CRYBA1: variants seen among roughly 807,000 people sequenced by gnomAD.
CRYBA1 encodes the protein beta-crystallin A3.
In CRYBA1, 25 loss-of-function variants were observed where a neutral mutation model predicts 36.2. The observed-to-expected ratio is 0.69, with a 90% CI of 0.50 to 0.97. CRYBA1 has a LOEUF of 0.97. CRYBA1 is among the 50% of genes least tolerant of loss of function. CRYBA1 has a pLI of 0.00. For missense variants in CRYBA1, 224 were observed against 276.3 expected (o/e 0.81, Z 1.34); for synonymous variants, 111 against 90.0 (o/e 1.23, Z -1.32).
intron 1 of CRYBA1, among the ~76,000 whole-genome samples, chr17:29,248,644 C>T (rs1198083867): frequency 1.3e-5 from 2 of 151,826 alleles, no homozygotes; most frequent in African/African-American, 2.4e-5. Context: ...GGATTACAGG[C>T]GTGAACCACC....
Position 29,254,237 on chromosome 17 carries a change from A to G in CRYBA1, c.536A>G (p.Tyr179Cys). Residue 179 changes from tyrosine (Y) to cysteine (C), a missense_variant, in exon 6 of 6, where the codon TAT (tyrosine) becomes TGT (cysteine). By Grantham distance (194) the Tyr-to-Cys change is radical. Transcript: ENST00000225387. ...TACCAATATCCTGGATATCGTGGGT[A>G]TCAGTATATCTTGGAATGTGACCAT... ...VCYQYPGYRGYQYILECDHHG... is the reference protein window; with the variant it reads ...VCYQYPGYRGCQYILECDHHG... 1 of 1,614,152 alleles carries G rather than the reference A, an allele frequency of 6.2e-7. No individual in the cohort carries two copies. Among genetic ancestry groups the G allele is most frequent in the Non-Finnish European group, 8.5e-7 (1 of 1,179,994 alleles).
At chr17:29,254,034 T>C (rs111392160) in intron 5 of CRYBA1, among the ~76,000 whole-genome samples, 168 bp from the exon 6 acceptor site, 2 of 152,356 alleles carry the variant, frequency 1.3e-5, no homozygotes, top group African/African-American at 4.8e-5. Flanking sequence ...ATTAACTAGC[T>C]ATAGCCATAT....
chr17:29,252,189 GC>G lies in CRYBA1; in HGVS notation c.345del (p.Ile116SerfsTer11). 1 of 1,614,078 alleles carries G rather than the reference GC, an allele frequency of 6.2e-7. No homozygotes were observed. The highest frequency in any genetic ancestry group is 8.5e-7 in the Non-Finnish European group (1 of 1,180,016). On this transcript the variant is annotated frameshift_variant, in exon 4 of 6. Coordinates refer to ENST00000225387, the MANE Select transcript of CRYBA1 (RefSeq NM_005208.5). LOFTEE classifies it high-confidence loss of function. The stretch of plus-strand genomic sequence containing the variant: ...CACATTGAGCGTCTCATGTCCTTCC[GC>G]CCCATCTGTTCAGCTGTGAGTCTCT... ...AYHIERLMSF[R>X]PICSANHKES...
chr17:29,252,677 T>C (rs1223383054), intron 4 of CRYBA1, among the ~76,000 whole-genome samples: 4 of 152,202 alleles, frequency 2.6e-5, no homozygotes, highest in African/African-American at 9.7e-5. Flanking sequence ...CACTTAAGTA[T>C]TACTCAATAA....
chr17:29,254,452 T>G lies in CRYBA1; in HGVS notation c.*103T>G. ...GCTCACAGACATTGCTTTCAAATGT[T>G]AGCTGCTGAAATCCACAATAAACGT... On this transcript the variant is annotated 3_prime_UTR_variant, in exon 6 of 6. Transcript: ENST00000225387. 1 of 1,271,812 alleles carries G rather than the reference T, an allele frequency of 7.9e-7. No individual in the cohort carries two copies. Among genetic ancestry groups the G allele is most frequent in the South Asian group, 1.2e-5 (1 of 81,512 alleles). The allele number at this position is 1,271,812 out of a possible 1,614,324, so 78.8% of individuals were successfully genotyped here.
Position 29,254,490 on chromosome 17 carries a change from A to AG in CRYBA1, c.*141_*142insG. The AG allele has an allele frequency of 5.6e-6, 5 of 888,162 alleles. No homozygotes were observed. The South Asian group carries it at 7.5e-5, about 13-fold the overall frequency. The allele number at this position is 888,162 out of a possible 1,614,324, so 55.0% of individuals were successfully genotyped here. On this transcript the variant is annotated 3_prime_UTR_variant, in exon 6 of 6. Transcript: ENST00000225387. ...CCACAATAAACGTCATTTAAAAAAAAAAAACTTTGTAGACTGAATTAACTA... is the reference window on the plus strand; with the variant it reads ...CCACAATAAACGTCATTTAAAAAAAAGAAAACTTTGTAGACTGAATTAACTA...
rs1318113807 is a variant in CRYBA1 at position 29,252,075 on chromosome 17, A to G, written c.227A>G (p.Tyr76Cys). The stretch of plus-strand genomic sequence containing the variant: ...CATGTCTTTGGCAGCTGGATTGGTT[A>G]TGAGCATACCAGCTTCTGTGGGCAA... ...LKVESGAWIG[Y>C]EHTSFCGQQF... Residue 76 changes from tyrosine (Y) to cysteine (C), a missense_variant, in exon 4 of 6, where the codon TAT becomes TGT. By Grantham distance (194) the Tyr-to-Cys change is radical (BLOSUM62 -2). Transcript: ENST00000225387. 2 of 1,614,088 alleles carry G rather than the reference A, an allele frequency of 1.2e-6. No homozygotes were observed. Among genetic ancestry groups the G allele is most frequent in the African/African-American group, 2.7e-5 (2 of 74,928 alleles).
chr17:29,252,982 C>T (rs2068945316), intron 4 of CRYBA1, among the ~76,000 whole-genome samples: 1 of 152,128 alleles, frequency 6.6e-6, no homozygotes, highest in Non-Finnish European at 1.5e-5. Flanking sequence ...TTTCATTTGC[C>T]CACCCTAAGG....
In CRYBA1 at chr17:29,254,425, C is replaced by T; in HGVS notation, c.*76C>T. The T allele has an allele frequency of 6.8e-7, 1 of 1,463,240 alleles. No homozygotes were observed. Among genetic ancestry groups the T allele is most frequent in the South Asian group, 1.1e-5 (1 of 87,642 alleles). The allele number at this position is 1,463,240 out of a possible 1,614,324, so 90.6% of individuals were successfully genotyped here. ...AGCACTCTAGAATAAGTTTTATGTT[C>T]TGCTCACAGACATTGCTTTCAAATG... On this transcript the variant is annotated 3_prime_UTR_variant, in exon 6 of 6. Transcript: ENST00000225387.
Position 29,254,403 on chromosome 17 carries a change from A to G in CRYBA1, c.*54A>G, listed in dbSNP as rs1003975950. On this transcript the variant is annotated 3_prime_UTR_variant, in exon 6 of 6. Transcript: ENST00000225387. ...CCTCAAGCATGAGACCTTGCTAAGC[A>G]CTCTAGAATAAGTTTTATGTTCTGC... 2 of 1,578,452 alleles carry G rather than the reference A, an allele frequency of 1.3e-6. No homozygotes were observed. The highest frequency in any genetic ancestry group is 1.7e-6 in the Non-Finnish European group (2 of 1,148,110).
intron 4 of CRYBA1, among the ~76,000 whole-genome samples, chr17:29,252,867 A>G (rs1415603159): frequency 1.3e-5 from 2 of 152,242 alleles, no homozygotes; most frequent in Non-Finnish European, 2.9e-5. Flanking sequence ...ATCTTGGTTC[A>G]AAGTCTTGCC....
intron 5 of CRYBA1, 131 bp downstream of exon 5, chr17:29,253,913 C>T: frequency 3.1e-6 from 4 of 1,272,502 alleles, no homozygotes; most frequent in Non-Finnish European, 4.4e-6. Context: ...TTTTGAATCT[C>T]AATTTCTTTA....
chr17:29,252,008 C>A, intron 3 of CRYBA1, 56 bp from the exon 4 acceptor site: 1 of 1,612,596 alleles, frequency 6.2e-7, no homozygotes, highest in Non-Finnish European at 8.5e-7. Flanking sequence ...GATGCCTTCT[C>A]CCCAAGGCCA....
intron 1 of CRYBA1, among the ~76,000 whole-genome samples, chr17:29,247,183 G>A (rs977430228): frequency 2.6e-5 from 4 of 152,210 alleles, no homozygotes; most frequent in African/African-American, 9.7e-5. Context: ...CTTATTCAGA[G>A]ATTCAGAATG....
chr17:29,254,214 C>A lies in CRYBA1; in HGVS notation c.513C>A (p.Tyr171Ter), dbSNP rs1485022173. 1.2e-6 allele frequency: 2 copies of A among 1,614,104 alleles called. No individual in the cohort carries two copies. Among genetic ancestry groups the A allele is most frequent in the East Asian group, 2.2e-5 (1 of 44,882 alleles). Residue 171 changes from tyrosine (Y) to a stop codon, truncating the protein, a stop_gained, in exon 6 of 6, where the codon TAC becomes TAA. Coordinates refer to ENST00000225387, the MANE Select transcript of CRYBA1 (RefSeq NM_005208.5). LOFTEE classifies it high-confidence loss of function. ...MKIQSGAWVC[Y>*]QYPGYRGYQY... ...TTGAATTTCCTAGCTGGGTTTGCTACCAATATCCTGGATATCGTGGGTATC... is the reference window on the plus strand; with the variant it reads ...TTGAATTTCCTAGCTGGGTTTGCTAACAATATCCTGGATATCGTGGGTATC...
In CRYBA1 at chr17:29,252,079, G is replaced by A; in HGVS notation, c.231G>A (p.Glu77=). Residue 77 remains glutamate (E), a synonymous_variant, in exon 4 of 6, where the codon GAG becomes GAA. Transcript: ENST00000225387. ...TCTTTGGCAGCTGGATTGGTTATGA[G>A]CATACCAGCTTCTGTGGGCAACAGT... ...KVESGAWIGY[E]HTSFCGQQFI... 1 of 1,614,186 alleles carries A rather than the reference G, an allele frequency of 6.2e-7. No homozygotes were observed. The highest frequency in any genetic ancestry group is 8.5e-7 in the Non-Finnish European group (1 of 1,180,034).
intron 2 of CRYBA1, 50 bp from the exon 3 acceptor site, chr17:29,250,132 C>CT (rs1216901136): frequency 9.6e-7 from 1 of 1,044,920 alleles, no homozygotes; most frequent in Non-Finnish European, 1.5e-6. Flanking sequence ...ACCTGGACCT[C>CT]TGTTTTTCCT....
chr17:29,253,705 C>G lies in CRYBA1; in HGVS notation c.423C>G (p.Ile141Met), dbSNP rs1260205249. The G allele has an allele frequency of 6.2e-7, 1 of 1,613,926 alleles. No individual in the cohort carries two copies. The highest frequency in any genetic ancestry group is 1.3e-5 in the African/African-American group (1 of 74,902). ...ACTTTATTGGACGCCAGTGGGAGAT[C>G]TCTGACGACTACCCCTCCTTGCAAG... ...KENFIGRQWE[I>M]SDDYPSLQAM... is the part of the protein sequence containing the mutation. Residue 141 changes from isoleucine (I) to methionine (M), a missense_variant, in exon 5 of 6, where the codon ATC becomes ATG. Transcript: ENST00000225387.
chr17:29,248,902 A>G (rs1419395556), intron 1 of CRYBA1, among the ~76,000 whole-genome samples: 1 of 151,996 alleles, frequency 6.6e-6, no homozygotes, highest in Non-Finnish European at 1.5e-5. Flanking sequence ...CAGGAGGCAG[A>G]GGTTGCAGTG....
Sources: gnomAD v4.1 joint callset for allele counts (sites outside exome capture counted in the v4.1 genomes callset) on GRCh38, gnomAD v4.1.1 for gene constraint, MANE v1.5 for transcripts, NCBI Gene and HGNC (gene_info 2026-07-23, HGNC 2026-07-21) for gene names.